The following APOB variants were observed in gnomAD, a reference collection of about 807,000 sequenced individuals.
APOB encodes apolipoprotein B-100.
A neutral mutation model predicts 314.1 loss-of-function variants in APOB; 153 were observed. The observed-to-expected ratio is 0.49, with a 90% CI of 0.43 to 0.56. The LOEUF (loss-of-function observed/expected upper bound fraction) is 0.56, where lower values mean the gene tolerates loss of function less well. Ranked by LOEUF, APOB falls within the 20% of genes least tolerant of loss-of-function variation. APOB has a pLI of 0.00. For missense variants in APOB, 5,430 were observed against 5,350.7 expected (o/e 1.01, Z -0.46); for synonymous variants, 2,087 against 2,036.4 (o/e 1.02, Z -0.67).
intron 13 of APOB, 30 bp downstream of exon 13, chr2:21,028,297 T>C: frequency 2.6e-6 from 4 of 1,564,410 alleles, no homozygotes; most frequent in Admixed American, 3.3e-5. Context: ...GGGCCCTCAG[T>C]GGTATATGGG....
rs753886477 is a variant in APOB at position 21,038,051 on chromosome 2, A to T, written c.444T>A (p.Asp148Glu). Residue 148 changes from aspartate (D) to glutamate (E), a missense_variant, in exon 5 of 29, where the codon GAT (aspartate) becomes GAA (glutamate). By Grantham distance (45) the Asp-to-Glu change is conservative. This residue lies in a region of APOB where 2,085 missense variants were observed against 2,079.7 expected (regional missense o/e 1.00). Transcript: ENST00000233242. ...GKQVFLYPEK[D>E]EPTYILNIKR... The stretch of plus-strand genomic sequence containing the variant: ...TGATGTTCAGGATGTAAGTAGGTTC[A>T]TCTTTCTCCGGGTAAAGGAAAACCT... 6.2e-7 allele frequency: 1 copy of T among 1,614,098 alleles called. No individual in the cohort carries two copies. The highest frequency in any genetic ancestry group is 1.7e-5 in the Admixed American group (1 of 60,006).
intron 15 of APOB, among the ~76,000 whole-genome samples, chr2:21,025,829 C>A (rs1663719799): frequency 6.6e-6 from 1 of 152,176 alleles, no homozygotes; most frequent in Non-Finnish European, 1.5e-5. Flanking sequence ...GCATGAGAAG[C>A]TGTATTTCTG....
chr2:21,016,789 T>C (rs12720820), intron 20 of APOB, 140 bp from the exon 21 acceptor site: 79,153 of 690,330 alleles, frequency 0.11, 5,606 homozygotes, highest in Admixed American at 0.2. Context: ...TCAAGACCAT[T>C]CTGGCTAACA....
chr2:21,010,854 ATT>A lies in APOB; in HGVS notation c.6012_6013del (p.Lys2004AsnfsTer12). The stretch of plus-strand genomic sequence containing the variant: ...AGTTCGTCCAGTAAGCTCCACGCCA[ATT>A]TTATCTTTAGTGTTGTAAGCATCCA... On this transcript the variant is annotated frameshift_variant, in exon 26 of 29. Coordinates refer to ENST00000233242, the MANE Select transcript of APOB (RefSeq NM_000384.3). LOFTEE classifies it high-confidence loss of function. 6.2e-7 allele frequency: 1 copy of A among 1,614,050 alleles called. No individual in the cohort carries two copies. Among genetic ancestry groups the A allele is most frequent in the Non-Finnish European group, 8.5e-7 (1 of 1,180,002 alleles).
chr2:21,015,569 CA>C, intron 21 of APOB, 24 bp from the exon 22 acceptor site: 1 of 1,607,614 alleles, frequency 6.2e-7, no homozygotes, highest in Non-Finnish European at 8.5e-7. Flanking sequence ...AATCAGTTGG[CA>C]CCAATGATTT....
chr2:21,014,642 A>G, intron 23 of APOB, 49 bp from the exon 24 acceptor site: 1 of 1,607,058 alleles, frequency 6.2e-7, no homozygotes, highest in Non-Finnish European at 8.5e-7. Context: ...GATGAGCCTC[A>G]AAGAGCAATG....
rs80179164 is a variant in APOB, at chr2:21,041,083, C to G, written c.238G>C (p.Val80Leu). ...CAGAGCTGGGGAACCTCCAGCTCAA[C>G]CTGAGAATTCAGGGTAGCAGAGCAT... ...SRSATRINCK[V>L]ELEVPQLCSF... Residue 80 changes from valine (V) to leucine (L), a missense_variant and splice_region_variant, in exon 4 of 29, where the codon GTT becomes CTT. Val to Leu is a conservative substitution (Grantham distance 32, BLOSUM62 1). Transcript: ENST00000233242. The G allele has an allele frequency of 6.2e-7, 1 of 1,611,354 alleles. No homozygotes were observed. Among genetic ancestry groups the G allele is most frequent in the East Asian group, 2.2e-5 (1 of 44,854 alleles).
In APOB at chr2:21,008,625, TG is replaced by T. The variant is rs1663218068; in HGVS notation, c.8242del (p.His2748ThrfsTer15). 1 of 1,613,958 alleles carries T rather than the reference TG, an allele frequency of 6.2e-7. No homozygotes were observed. Among genetic ancestry groups the T allele is most frequent in the Admixed American group, 1.7e-5 (1 of 59,988 alleles). Reference protein sequence around the residue: ...IPEFQLPHISHTIEVPTFGKL... With the variant: ...IPEFQLPHISXTIEVPTFGKL... The stretch of plus-strand genomic sequence containing the variant: ...GCCAAAAGTAGGTACTTCAATTGTG[TG>T]TGAGATGTGGGGAAGCTGGAATTCT... On this transcript the variant is annotated frameshift_variant, in exon 26 of 29. Coordinates refer to ENST00000233242, the MANE Select transcript of APOB (RefSeq NM_000384.3). LOFTEE classifies it high-confidence loss of function.
chr2:21,013,636 A>G (rs927450525), intron 24 of APOB, 103 bp from the exon 25 acceptor site: 21 of 1,524,578 alleles, frequency 1.4e-5, no homozygotes, highest in Non-Finnish European at 1.9e-5. Flanking sequence ...CCCATTCCCA[A>G]AGCCACTCTG....
chr2:21,019,119 G>C lies in APOB; in HGVS notation c.3000-6C>G. On this transcript the variant is annotated splice_polypyrimidine_tract_variant and splice_region_variant and intron_variant, in intron 19 of 28. Transcript: ENST00000233242. ...GCCTCAGTTCCAGCTCTAATCTAAA[G>C]ACATTACAATGAAGACAGTGCATAA... The C allele has an allele frequency of 6.2e-7, 1 of 1,614,008 alleles. No homozygotes were observed. The highest frequency in any genetic ancestry group is 8.5e-7 in the Non-Finnish European group (1 of 1,179,990).
At chr2:21,024,700 A>G (rs1663689867) in intron 16 of APOB, 1 of 681,428 alleles carries the variant, frequency 1.5e-6, no homozygotes, top group African/African-American at 1.8e-5. Context: ...AGATGAATAA[A>G]TTAATGCTCT....
In APOB at chr2:21,009,874, C is replaced by T; in HGVS notation, c.6994G>A (p.Glu2332Lys). The T allele has an allele frequency of 6.2e-7, 1 of 1,614,020 alleles. No individual in the cohort carries two copies. The highest frequency in any genetic ancestry group is 8.5e-7 in the Non-Finnish European group (1 of 1,179,942). Reference sequence around the variant, plus strand: ...TTGGCTCTGAAGGCATTGATTTTCTCAGCTACTTCAAAATCCCCAATAAGA... The same window carrying T: ...TTGGCTCTGAAGGCATTGATTTTCTTAGCTACTTCAAAATCCCCAATAAGA... ...INLIGDFEVAEKINAFRAKVH... is the reference protein window; with the variant it reads ...INLIGDFEVAKKINAFRAKVH... The change falls in exon 26 of 29, where the codon GAG becomes AAG. Residue 2332 changes from glutamate (E) to lysine (K), a missense_variant. Transcript: ENST00000233242.
intron 16 of APOB, 117 bp from the exon 17 acceptor site, chr2:21,023,809 G>A (rs1031544942): frequency 9.2e-6 from 8 of 867,184 alleles, no homozygotes; most frequent in Non-Finnish European, 1.4e-5. Context: ...GGAAGGACTA[G>A]CATATTTTGA....
intron 3 of APOB, among the ~76,000 whole-genome samples, chr2:21,041,836 A>C (rs1001045862): frequency 6.6e-6 from 1 of 152,226 alleles, no homozygotes; most frequent in African/African-American, 2.4e-5. Context: ...AAACCCCAAT[A>C]GCAGCCTGTA....
In APOB at chr2:21,028,382, A is replaced by C. The variant is rs1663793698; in HGVS notation, c.1774T>G (p.Phe592Val). Residue 592 changes from phenylalanine to valine, a missense_variant, in exon 13 of 29, where the codon TTT (phenylalanine) becomes GTT (valine). By Grantham distance (50) the Phe-to-Val change is conservative. Around this residue, in one of 3 missense-constraint regions of APOB, gnomAD observed 2,085 missense variants for 2,079.7 expected, o/e 1.00. Transcript: ENST00000233242. ...PWEQNEQVKN[F>V]VASHIANILN... The stretch of plus-strand genomic sequence containing the variant: ...ATATTGGCAATATGGGAAGCCACAA[A>C]GTTCTTCACTTGCTCATTCTGTTCC... 3 of 1,614,218 alleles carry C rather than the reference A, an allele frequency of 1.9e-6. No individual in the cohort carries two copies. Among genetic ancestry groups the C allele is most frequent in the Non-Finnish European group, 2.5e-6 (3 of 1,180,038 alleles).
At chr2:21,022,262 C>T (rs1293157092) in intron 18 of APOB, among the ~76,000 whole-genome samples, 1 of 152,158 alleles carries the variant, frequency 6.6e-6, no homozygotes, top group Non-Finnish European at 1.5e-5. Context: ...ACCACCGTGG[C>T]TGGCCAATTA....
chr2:21,009,516 T>C lies in APOB; in HGVS notation c.7352A>G (p.Asn2451Ser), dbSNP rs765342867. 1.4e-5 allele frequency: 23 copies of C among 1,614,100 alleles called. No individual in the cohort carries two copies. Among genetic ancestry groups the C allele is most frequent in the East Asian group, 2.2e-5 (1 of 44,876 alleles). Reference protein sequence around the residue: ...DKIREVTQRLNGEIQALELPQ... With the variant: ...DKIREVTQRLSGEIQALELPQ... ...TAGTTCCAGAGCCTGAATTTCACCATTGAGTCTCTGAGTCACCTCACGGAT... is the reference window on the plus strand; with the variant it reads ...TAGTTCCAGAGCCTGAATTTCACCACTGAGTCTCTGAGTCACCTCACGGAT... The change falls in exon 26 of 29, where the codon AAT becomes AGT. Residue 2451 changes from asparagine to serine, a missense_variant. Physicochemically the swap from Asn to Ser is conservative, Grantham distance 46. Transcript: ENST00000233242.
Position 21,013,253 on chromosome 2 carries a change from C to T in APOB, c.4123G>A (p.Gly1375Ser), listed in dbSNP as rs745945427. Residue 1375 changes from glycine (G) to serine (S), a missense_variant, in exon 25 of 29, where the codon GGT becomes AGT. By Grantham distance (56) the Gly-to-Ser change is moderately conservative. This residue lies in a region of APOB where 2,085 missense variants were observed against 2,079.7 expected (regional missense o/e 1.00). Coordinates refer to ENST00000233242, the MANE Select transcript of APOB (RefSeq NM_000384.3). ...AAATGGTCTGTGCTGGTGTTGCCAC[C>T]ACTGTAGGAGGCGGACCAGTTGTAC... Reference protein sequence around the residue: ...NLYNWSASYSGGNTSTDHFSL... With the variant: ...NLYNWSASYSSGNTSTDHFSL... 3 of 1,614,176 alleles carry T rather than the reference C, an allele frequency of 1.9e-6. No homozygotes were observed. Among genetic ancestry groups the T allele is most frequent in the Admixed American group, 1.7e-5 (1 of 60,028 alleles).
In APOB at chr2:21,016,507, C is replaced by G. The variant is rs773824710; in HGVS notation, c.3264G>C (p.Thr1088=). The G allele has an allele frequency of 1.9e-6, 3 of 1,610,986 alleles. No homozygotes were observed. The highest frequency in any genetic ancestry group is 2.5e-6 in the Non-Finnish European group (3 of 1,177,310). Residue 1088 remains threonine (T), a synonymous_variant, in exon 21 of 29, where the codon ACG becomes ACC. Coordinates refer to ENST00000233242, the MANE Select transcript of APOB (RefSeq NM_000384.3). ...RVNDESTEGK[T]SYRLTLDIQN... ...GAATGTCCAGGGTGAGTCTGTAAGA[C>G]GTTTTGCCCTCAGTAGATTCATCAT...
Sources: allele counts gnomAD v4.1 joint callset (sites outside exome capture counted in the v4.1 genomes callset), GRCh38; gene constraint gnomAD v4.1.1; regional missense constraint gnomAD v4.1.1; transcripts MANE v1.5; gene names NCBI Gene and HGNC (gene_info 2026-07-23, HGNC 2026-07-21).